SCAI: variants seen among roughly 807,000 people sequenced by gnomAD.
SCAI encodes the protein protein SCAI.
Under a neutral mutation model 92.2 loss-of-function variants are expected in SCAI, and 24 were observed. The observed-to-expected ratio is 0.26, with a 90% CI of 0.19 to 0.37. SCAI has a LOEUF of 0.37. Ranked by LOEUF, SCAI falls within the 10% of genes least tolerant of loss-of-function variation. SCAI has a pLI of 1.00. For missense variants in SCAI, 450 were observed against 736.2 expected (o/e 0.61, Z 4.50); for synonymous variants, 261 against 258.6 (o/e 1.01, Z -0.09).
chr9:125,135,115 AC>A (rs993550086), intron 2 of SCAI, among the ~76,000 whole-genome samples: 27 of 152,338 alleles, frequency 1.8e-4, no homozygotes, highest in African/African-American at 6.3e-4. Flanking sequence ...CACTAGTTTT[AC>A]TGAGCTCCCC....
At chr9:125,044,026 C>A (rs773500862) in intron 3 of SCAI, among the ~76,000 whole-genome samples, 1 of 152,164 alleles carries the variant, frequency 6.6e-6, no homozygotes, top group Non-Finnish European at 1.5e-5. Context: ...GTACCTGCTC[C>A]TGCTCCCTGG....
At chr9:125,028,577 C>A in intron 4 of SCAI, 99 bp from the exon 5 acceptor site, 1 of 496,814 alleles carries the variant, frequency 2.0e-6, no homozygotes, top group Non-Finnish European at 3.4e-6. Context: ...TCCAATTCAG[C>A]AAAGCTAATG....
chr9:125,063,590 A>C (rs1833818944), intron 2 of SCAI, among the ~76,000 whole-genome samples: 1 of 152,142 alleles, frequency 6.6e-6, no homozygotes. Context: ...TGTAAGTCAA[A>C]GTATGGAAAA....
At chr9:125,052,064 TA>T (rs1466124457) in intron 3 of SCAI, among the ~76,000 whole-genome samples, 1 of 151,684 alleles carries the variant, frequency 6.6e-6, no homozygotes, top group Non-Finnish European at 1.5e-5. Context: ...TTAATTAAAA[TA>T]AAAAGAACTC....
At chr9:125,004,264 G>A (rs916956432) in intron 9 of SCAI, among the ~76,000 whole-genome samples, 1 of 151,838 alleles carries the variant, frequency 6.6e-6, no homozygotes, top group East Asian at 1.9e-4. Context: ...ATTCACACGT[G>A]TAGGTAGTGT....
chr9:125,130,312 CTG>C (rs1400545019), intron 2 of SCAI, among the ~76,000 whole-genome samples: 1 of 152,078 alleles, frequency 6.6e-6, no homozygotes, highest in African/African-American at 2.4e-5. Context: ...AAAATTCAGA[CTG>C]TGGAAAAACT....
At chr9:125,101,795 G>A (rs1834683706) in intron 2 of SCAI, among the ~76,000 whole-genome samples, 1 of 152,204 alleles carries the variant, frequency 6.6e-6, no homozygotes, top group Admixed American at 6.5e-5. Context: ...ATTTCTCAGT[G>A]TGTTTGTTAA....
intron 17 of SCAI, among the ~76,000 whole-genome samples, chr9:124,970,706 T>C (rs1267374059): frequency 6.6e-6 from 1 of 151,952 alleles, no homozygotes; most frequent in Non-Finnish European, 1.5e-5. Flanking sequence ...CTGGGCAACA[T>C]GAGTGAAACT....
At chr9:125,036,871 A>G (rs2131100686) in intron 3 of SCAI, among the ~76,000 whole-genome samples, 1 of 152,342 alleles carries the variant, frequency 6.6e-6, no homozygotes, top group East Asian at 1.9e-4. Flanking sequence ...CTGTAGTCCC[A>G]ACACTTGGGG....
In SCAI at chr9:124,946,599, A is replaced by G. The variant is rs1459319839; in HGVS notation, c.*6208T>C. 6.6e-6 allele frequency: 1 copy of G among 152,216 alleles called. No homozygotes were observed. Among genetic ancestry groups the G allele is most frequent in the Non-Finnish European group, 1.5e-5 (1 of 68,040 alleles). 9.4% of individuals were successfully genotyped at this position (152,216 alleles called of 1,614,324 possible). On this transcript the variant is annotated 3_prime_UTR_variant, in exon 18 of 18. Coordinates refer to ENST00000336505, the MANE Select transcript of SCAI (RefSeq NM_001144877.3). This position sits in a 1 kb window ranked among gnomAD's most constrained non-coding sequence, Gnocchi z 4.0. ...CTCTTTCATGCAAATAAATATGTCAACTGAAGTAACCAAACATTGATACTT... is the reference window on the plus strand; with the variant it reads ...CTCTTTCATGCAAATAAATATGTCAGCTGAAGTAACCAAACATTGATACTT...
In SCAI at chr9:125,061,423, G is replaced by A. The variant is rs114014196; in HGVS notation, c.99-5416C>T. On this transcript the variant is annotated intron_variant, in intron 2 of 17. Coordinates refer to ENST00000336505, the MANE Select transcript of SCAI (RefSeq NM_001144877.3). Reference sequence around the variant, plus strand: ...GTCTTATGAATTGAAATGGATTATGGTAATAGTTTTGGACAAAGTAATATA... The same window carrying A: ...GTCTTATGAATTGAAATGGATTATGATAATAGTTTTGGACAAAGTAATATA... 8.1e-3 allele frequency among the ~76,000 whole-genome samples: 1,235 copies of A among 152,106 alleles called. 21 individuals carry two copies. The highest frequency in any genetic ancestry group is 0.028 in the African/African-American group (1,154 of 41,516).
In SCAI at chr9:124,944,184, T is replaced by C. The variant is rs1250274098; in HGVS notation, c.*8623A>G. ...CAAAAGGAATGCATTCAGATAACTA[T>C]AAAAAGCCACATAAATCAAGTTCTA... On this transcript the variant is annotated 3_prime_UTR_variant, in exon 18 of 18. Coordinates refer to ENST00000336505, the MANE Select transcript of SCAI (RefSeq NM_001144877.3). 1.3e-5 allele frequency: 2 copies of C among 151,966 alleles called. No homozygotes were observed. The allele number at this position is 151,966 out of a possible 1,614,324, so 9.4% of individuals were successfully genotyped here.
At chr9:125,134,328 G>C (rs1835469464) in intron 2 of SCAI, among the ~76,000 whole-genome samples, 1 of 152,076 alleles carries the variant, frequency 6.6e-6, no homozygotes, top group Admixed American at 6.6e-5. Context: ...ATATTTCAGT[G>C]TCTGTCTTCC....
At chr9:125,043,249 A>G (rs1427286560) in intron 3 of SCAI, among the ~76,000 whole-genome samples, 1 of 152,158 alleles carries the variant, frequency 6.6e-6, no homozygotes, top group African/African-American at 2.4e-5. Context: ...TCTCTGAATC[A>G]GGTTTTCAGT....
At chr9:125,110,384 C>A (rs1356850269) in intron 2 of SCAI, among the ~76,000 whole-genome samples, 1 of 152,186 alleles carries the variant, frequency 6.6e-6, no homozygotes, top group Non-Finnish European at 1.5e-5. Flanking sequence ...GTGGCACACA[C>A]CTATAATCCC....
rs958612471 is a variant in SCAI, at chr9:125,143,484, C to A, written c.-47G>T. The A allele has an allele frequency of 1.7e-5, 22 of 1,315,978 alleles. No homozygotes were observed. The highest frequency in any genetic ancestry group is 2.1e-5 in the Non-Finnish European group (22 of 1,032,196). The allele number at this position is 1,315,978 out of a possible 1,614,324, so 81.5% of individuals were successfully genotyped here. Reference sequence around the variant, plus strand: ...GAGCTGCTCCGGCGGCCGCAGGGCTCGCTCGGGAAGCTGAGGCGGCGGAGG... The same window carrying A: ...GAGCTGCTCCGGCGGCCGCAGGGCTAGCTCGGGAAGCTGAGGCGGCGGAGG... On this transcript the variant is annotated 5_prime_UTR_variant, in exon 1 of 18. Coordinates refer to ENST00000336505, the MANE Select transcript of SCAI (RefSeq NM_001144877.3).
At chr9:125,126,082 ACT>A (rs1455006972) in intron 2 of SCAI, among the ~76,000 whole-genome samples, 2 of 152,078 alleles carry the variant, frequency 1.3e-5, no homozygotes, top group African/African-American at 4.8e-5. Context: ...GATTCACATA[ACT>A]CAGCCCTTGT....
At chr9:125,055,746 T>C (rs946814899) in intron 3 of SCAI, 130 bp downstream of exon 3, 3 of 567,966 alleles carry the variant, frequency 5.3e-6, no homozygotes, top group African/African-American at 3.9e-5. Flanking sequence ...AAAGAAAAAA[T>C]CATGATCACT....
chr9:124,998,633 C>CT (rs1274205793), intron 13 of SCAI, among the ~76,000 whole-genome samples: 1 of 152,012 alleles, frequency 6.6e-6, no homozygotes, highest in Non-Finnish European at 1.5e-5. Flanking sequence ...TTTATTTTCT[C>CT]TTTTTTGTTT....
Sources: gnomAD v4.1 joint callset for allele counts (sites outside exome capture counted in the v4.1 genomes callset) on GRCh38, gnomAD v4.1.1 for gene constraint, Gnocchi (gnomAD v3.1) non-coding constraint, MANE v1.5 for transcripts, NCBI Gene and HGNC (gene_info 2026-07-23, HGNC 2026-07-21) for gene names.